Variants in PAPSS2 observed in about 807,000 individuals in gnomAD.
PAPSS2 encodes the protein 3'-phosphoadenosine 5'-phosphosulfate synthase 2.
In PAPSS2, 61 loss-of-function variants were observed where a neutral mutation model predicts 66.5. That is an observed-to-expected ratio of 0.92 (90% CI 0.75 to 1.14). PAPSS2 has a LOEUF of 1.14. Among genes scored for constraint, PAPSS2 ranks in the 50% most tolerant of loss-of-function variants. The pLI is 0.00. For missense variants in PAPSS2, 708 were observed against 789.6 expected, an observed-to-expected ratio of 0.90 and a Z score of 1.24; for synonymous variants, 289 against 287.5, an observed-to-expected ratio of 1.01 and a Z score of -0.05.
intron 1 of PAPSS2, among the ~76,000 whole-genome samples, chr10:87,699,387 G>A (rs1178775623): frequency 6.6e-6 from 1 of 152,166 alleles, no homozygotes; most frequent in Non-Finnish European, 1.5e-5. Flanking sequence ...GGCTCGAGGG[G>A]TCCTTTTACC....
At chr10:87,733,720 A>G (rs564558586) in intron 9 of PAPSS2, among the ~76,000 whole-genome samples, 1 of 152,266 alleles carries the variant, frequency 6.6e-6, no homozygotes, top group Admixed American at 6.5e-5. Flanking sequence ...CGTGATTCTA[A>G]TGGGCTGTGA....
chr10:87,735,622 T>C (rs1441585598), intron 9 of PAPSS2, among the ~76,000 whole-genome samples: 1 of 152,138 alleles, frequency 6.6e-6, no homozygotes, highest in Non-Finnish European at 1.5e-5. Flanking sequence ...CCTTGCATAA[T>C]TGCCTTCTGT....
intron 4 of PAPSS2, 134 bp downstream of exon 4, chr10:87,714,316 A>T (rs1020792079): frequency 1.0e-5 from 9 of 891,356 alleles, no homozygotes; most frequent in Middle Eastern, 2.6e-4. Context: ...ACTTTTTATC[A>T]GATCATGATA....
At chr10:87,741,201 T>C in intron 9 of PAPSS2, 34 bp from the exon 10 acceptor site, 1 of 1,609,570 alleles carries the variant, frequency 6.2e-7, no homozygotes, top group Non-Finnish European at 8.5e-7. Context: ...AAATCACAAT[T>C]AATCATTAGC....
At chr10:87,682,374 G>T (rs995921420) in intron 1 of PAPSS2, among the ~76,000 whole-genome samples, 5 of 152,168 alleles carry the variant, frequency 3.3e-5, no homozygotes, top group African/African-American at 1.2e-4. Flanking sequence ...AAGACCCTTG[G>T]TTTTTGGCAG....
chr10:87,673,026 T>C (rs1444278896), intron 1 of PAPSS2, among the ~76,000 whole-genome samples: 2 of 152,212 alleles, frequency 1.3e-5, no homozygotes, highest in Non-Finnish European at 2.9e-5. Context: ...GAATGTGTAC[T>C]GTCTGATCCT....
intron 1 of PAPSS2, among the ~76,000 whole-genome samples, chr10:87,707,955 A>G (rs546569142): frequency 1.3e-5 from 2 of 152,320 alleles, no homozygotes; most frequent in African/African-American, 2.4e-5. Flanking sequence ...TAAAAGGCTC[A>G]TAGATTTTTA....
At chr10:87,729,977 A>G (rs1853708989) in intron 9 of PAPSS2, among the ~76,000 whole-genome samples, 1 of 152,182 alleles carries the variant, frequency 6.6e-6, no homozygotes, top group Admixed American at 6.5e-5. Flanking sequence ...GCCTGCAACA[A>G]GAGCGATACT....
intron 9 of PAPSS2, among the ~76,000 whole-genome samples, chr10:87,735,447 G>A (rs1477921043): frequency 1.3e-5 from 2 of 152,166 alleles, no homozygotes; most frequent in Non-Finnish European, 2.9e-5. Flanking sequence ...ATAAATTACT[G>A]CATCCTCAGG....
chr10:87,703,703 G>C (rs7923151), intron 1 of PAPSS2: 233,044 of 517,128 alleles, frequency 0.45, 55,759 homozygotes, highest in African/African-American at 0.73. Context: ...CTCCAAAATC[G>C]ATACTCATGC....
At position 87,687,529 on chromosome 10, in the gene PAPSS2, C is replaced by T. The variant is rs535443961; in HGVS notation, c.28-21667C>T. On this transcript the variant is annotated intron_variant, in intron 1 of 12. Transcript: ENST00000456849. ...CTCATATGTGGATTCTAAAGATGAC[C>T]GCATAGAAATAGAGAGTAGAATAGT... 6.6e-5 allele frequency among the ~76,000 whole-genome samples: 10 copies of T among 152,058 alleles called. No homozygotes were observed. The East Asian group carries it at 1.4e-3, about 21-fold the overall frequency.
chr10:87,737,668 T>A lies in PAPSS2; in HGVS notation c.1087-3567T>A, dbSNP rs555050691. Among the ~76,000 whole-genome samples the A allele has an allele frequency of 2.3e-3, 345 of 151,826 alleles. 1 individual carries two copies. Among genetic ancestry groups the A allele is most frequent in the Admixed American group, 4.2e-3 (64 of 15,246 alleles). Reference sequence around the variant, plus strand: ...AGAACCTGTCTCTACAAAAAAAAAATTTTAAAATTAGCCAGGTGTGGTGGC... The same window carrying A: ...AGAACCTGTCTCTACAAAAAAAAAAATTTAAAATTAGCCAGGTGTGGTGGC... On this transcript the variant is annotated intron_variant, in intron 9 of 12. Transcript: ENST00000456849.
At chr10:87,706,530 G>T (rs1589432163) in intron 1 of PAPSS2, among the ~76,000 whole-genome samples, 2 of 150,780 alleles carry the variant, frequency 1.3e-5, no homozygotes, top group East Asian at 3.9e-4. Context: ...GCTGAGGTGG[G>T]AGTATCACTT....
chr10:87,723,313 C>G (rs11813070), intron 8 of PAPSS2, among the ~76,000 whole-genome samples: 59,413 of 151,966 alleles, frequency 0.39, 11,903 homozygotes, highest in South Asian at 0.49. Context: ...CTCAACTAGA[C>G]TATGCAGTGG....
intron 11 of PAPSS2, 104 bp downstream of exon 11, chr10:87,743,745 C>A: frequency 7.6e-7 from 1 of 1,318,908 alleles, no homozygotes; most frequent in Non-Finnish European, 1.1e-6. Context: ...TCCTCATGAG[C>A]AGATTCTGGA....
At position 87,712,309 on chromosome 10, in the gene PAPSS2, G is replaced by A. The variant is rs186930651; in HGVS notation, c.146-766G>A. On this transcript the variant is annotated intron_variant, in intron 2 of 12. Coordinates refer to ENST00000456849, the MANE Select transcript of PAPSS2 (RefSeq NM_001015880.2). ...AAGACGGTTGTTCAGTGGCATCCAC[G>A]AGGGAGGTGGACTTACCAGTCTCCA... Among the ~76,000 whole-genome samples the A allele has an allele frequency of 5.3e-5, 8 of 152,288 alleles. No individual in the cohort carries two copies. The South Asian group carries it at 8.3e-4, about 16-fold the overall frequency.
At chr10:87,694,110 C>G (rs982460355) in intron 1 of PAPSS2, among the ~76,000 whole-genome samples, 1 of 152,190 alleles carries the variant, frequency 6.6e-6, no homozygotes, top group Non-Finnish European at 1.5e-5. Context: ...CTCTTTTCAT[C>G]CTTGCAAACA....
intron 1 of PAPSS2, among the ~76,000 whole-genome samples, chr10:87,664,309 C>G (rs1244525793): frequency 6.6e-6 from 1 of 152,186 alleles, no homozygotes; most frequent in East Asian, 1.9e-4. Flanking sequence ...ATAGAAGACA[C>G]TGGTTGACCT....
rs11202523 is a variant in PAPSS2 at position 87,710,467 on chromosome 10, C to T, written c.145+1154C>T. 1.7e-3 allele frequency among the ~76,000 whole-genome samples: 253 copies of T among 152,280 alleles called. 1 individual carries two copies. Among genetic ancestry groups the T allele is most frequent in the African/African-American group, 5.7e-3 (238 of 41,550 alleles). On this transcript the variant is annotated intron_variant, in intron 2 of 12. Transcript: ENST00000456849. Reference sequence around the variant, plus strand: ...AGAGACGTAATTTGAGCAGTAGGTACAGCTGTATTCTAGAAGATCCCCTCC... The same window carrying T: ...AGAGACGTAATTTGAGCAGTAGGTATAGCTGTATTCTAGAAGATCCCCTCC...
Sources: allele counts gnomAD v4.1 joint callset (sites outside exome capture counted in the v4.1 genomes callset), GRCh38; gene constraint gnomAD v4.1.1; transcripts MANE v1.5; gene names NCBI Gene and HGNC (gene_info 2026-07-23, HGNC 2026-07-21).